Variants in ZC3H12C observed in about 807,000 individuals in gnomAD.
ZC3H12C encodes the protein probable ribonuclease ZC3H12C.
In ZC3H12C, 20 loss-of-function variants were observed where a neutral mutation model predicts 76.3. That is an observed-to-expected ratio of 0.26 (90% CI 0.18 to 0.38). The LOEUF (loss-of-function observed/expected upper bound fraction) is 0.38. Among genes scored for constraint, ZC3H12C ranks in the 10% least tolerant of loss-of-function variants. The probability of loss-of-function intolerance (pLI) is 1.00; values close to 1 mark genes in which losing one functional copy is unlikely to be tolerated. For missense variants in ZC3H12C, 874 were observed against 1,086.5 expected (o/e 0.80, Z 2.75); for synonymous variants, 352 against 399.6 (o/e 0.88, Z 1.42).
chr11:110,113,201 T>A (rs1861466357), intron 1 of ZC3H12C, among the ~76,000 whole-genome samples: 1 of 152,236 alleles, frequency 6.6e-6, no homozygotes, highest in Admixed American at 6.5e-5. Context: ...AGATAGAATT[T>A]GGAGATTGTA....
At chr11:110,117,653 C>T (rs775612955) in intron 1 of ZC3H12C, among the ~76,000 whole-genome samples, 258 of 140,826 alleles carry the variant, frequency 1.8e-3, no homozygotes, top group East Asian at 3.5e-3. Flanking sequence ...TATATATATA[C>T]ACACACACAC....
At chr11:110,130,912 C>A (rs1861852901) in intron 1 of ZC3H12C, 3 of 996,302 alleles carry the variant, frequency 3.0e-6, no homozygotes, top group Non-Finnish European at 1.5e-6. Context: ...GCCCGGCCAA[C>A]TAATTGTGAG....
At chr11:110,154,375 A>AG (rs1862335346) in intron 3 of ZC3H12C, among the ~76,000 whole-genome samples, 1 of 151,904 alleles carries the variant, frequency 6.6e-6, no homozygotes, top group Non-Finnish European at 1.5e-5. Flanking sequence ...ATCTCAAAAA[A>AG]AAAAAAAGAC....
chr11:110,104,196 C>T (rs7110497), intron 1 of ZC3H12C, among the ~76,000 whole-genome samples: 55,944 of 151,332 alleles, frequency 0.37, 10,981 homozygotes, highest in East Asian at 0.65. Context: ...ACCAGCTACC[C>T]GACAGGCATG....
rs1426644948 is a variant in ZC3H12C, at chr11:110,166,768, C to T, written c.*1031C>T. ...TTTCCTGCTATTTATCAAGGCTGGC[C>T]TGAGGTGGGTTTATGTGTTGAGGTT... On this transcript the variant is annotated 3_prime_UTR_variant, in exon 6 of 6. Transcript: ENST00000278590. 6.6e-6 allele frequency: 1 copy of T among 152,064 alleles called. No homozygotes were observed. The highest frequency in any genetic ancestry group is 1.5e-5 in the Non-Finnish European group (1 of 68,008). The allele number at this position is 152,064 out of a possible 1,614,324, so 9.4% of individuals were successfully genotyped here.
chr11:110,130,189 A>G (rs1861835169), intron 1 of ZC3H12C, among the ~76,000 whole-genome samples: 1 of 152,222 alleles, frequency 6.6e-6, no homozygotes, highest in African/African-American at 2.4e-5. Context: ...TGGCATACAT[A>G]GGATAGGTTA....
intron 1 of ZC3H12C, among the ~76,000 whole-genome samples, chr11:110,104,760 T>A (rs1162904763): frequency 6.6e-6 from 1 of 152,238 alleles, no homozygotes; most frequent in Non-Finnish European, 1.5e-5. Context: ...TTTCAGTGAT[T>A]CAAGATAATG....
chr11:110,145,072 A>G (rs974534812), intron 2 of ZC3H12C, among the ~76,000 whole-genome samples: 4 of 152,194 alleles, frequency 2.6e-5, no homozygotes, highest in African/African-American at 9.7e-5. Flanking sequence ...TTGCATTACA[A>G]TATGTGGTCC....
intron 2 of ZC3H12C, among the ~76,000 whole-genome samples, chr11:110,151,200 G>C (rs549859920): frequency 2.6e-5 from 4 of 152,174 alleles, no homozygotes; most frequent in African/African-American, 9.6e-5. Context: ...ATGGTTTGCT[G>C]TTTGCACTCA....
At chr11:110,161,083 G>T (rs1347057122) in intron 4 of ZC3H12C, among the ~76,000 whole-genome samples, 1 of 152,014 alleles carries the variant, frequency 6.6e-6, no homozygotes, top group African/African-American at 2.4e-5. Flanking sequence ...ACCTCAAGTG[G>T]TCTGTCTGCC....
At chr11:110,100,072 A>AT (rs1214535393) in intron 1 of ZC3H12C, among the ~76,000 whole-genome samples, 1 of 152,118 alleles carries the variant, frequency 6.6e-6, no homozygotes, top group East Asian at 1.9e-4. Flanking sequence ...TGTACCTAGG[A>AT]TTTTTACCTT....
chr11:110,108,895 C>T (rs1393577755), intron 1 of ZC3H12C, among the ~76,000 whole-genome samples: 1 of 152,194 alleles, frequency 6.6e-6, no homozygotes, highest in African/African-American at 2.4e-5. Flanking sequence ...CTTCATCTTC[C>T]ACACTGAATC....
intron 1 of ZC3H12C, among the ~76,000 whole-genome samples, chr11:110,118,355 A>G (rs1282436123): frequency 5.3e-5 from 8 of 152,128 alleles, no homozygotes; most frequent in Non-Finnish European, 1.0e-4. Flanking sequence ...TCACTGAGAC[A>G]TGTAAATCTT....
Position 110,164,397 on chromosome 11 carries a change from C to A in ZC3H12C, c.1312C>A (p.Gln438Lys). ...CKYYHPERGS[Q>K]PQRSVADELR... ...ATATTACCATCCCGAAAGGGGCAGT[C>A]AGCCACAGCGGTCAGTGGCTGATGA... The change falls in exon 6 of 6, where the codon CAG becomes AAG. Residue 438 changes from glutamine to lysine, a missense_variant. This residue lies in a region of ZC3H12C where 269 missense variants were observed against 424.9 expected (regional missense o/e 0.63). Coordinates refer to ENST00000278590, the MANE Select transcript of ZC3H12C (RefSeq NM_033390.2). The surrounding 1 kb of genome is among the most constrained non-coding windows in gnomAD (Gnocchi z 5.7). 6.2e-7 allele frequency: 1 copy of A among 1,613,892 alleles called. No individual in the cohort carries two copies. The highest frequency in any genetic ancestry group is 1.1e-5 in the South Asian group (1 of 91,054).
At chr11:110,114,360 C>T (rs1440472200) in intron 1 of ZC3H12C, among the ~76,000 whole-genome samples, 1 of 152,196 alleles carries the variant, frequency 6.6e-6, no homozygotes, top group East Asian at 1.9e-4. Flanking sequence ...AAGTCTTTGT[C>T]TCTTGTACTC....
chr11:110,162,082 G>C (rs1448485406), intron 4 of ZC3H12C, among the ~76,000 whole-genome samples: 6 of 152,204 alleles, frequency 3.9e-5, no homozygotes, highest in Non-Finnish European at 7.3e-5. Context: ...GTTGCAGTGA[G>C]CTGAGATGGT....
At chr11:110,151,879 A>C (rs536780329) in intron 2 of ZC3H12C, among the ~76,000 whole-genome samples, 14 of 152,044 alleles carry the variant, frequency 9.2e-5, no homozygotes, top group African/African-American at 3.4e-4. Context: ...TTTACTAAAA[A>C]TGATTAGCCA....
intron 1 of ZC3H12C, among the ~76,000 whole-genome samples, chr11:110,101,689 A>C (rs1226752157): frequency 6.6e-6 from 1 of 152,034 alleles, no homozygotes; most frequent in African/African-American, 2.4e-5. Context: ...CTGGGACTAC[A>C]GGCCCGCGCC....
chr11:110,121,738 G>A (rs1314633700), intron 1 of ZC3H12C, among the ~76,000 whole-genome samples: 1 of 152,004 alleles, frequency 6.6e-6, no homozygotes, highest in Non-Finnish European at 1.5e-5. Context: ...GAACACTGAT[G>A]TAGAAAGAAG....
Sources: gnomAD v4.1 joint callset for allele counts (sites outside exome capture counted in the v4.1 genomes callset) on GRCh38, gnomAD v4.1.1 for gene constraint, gnomAD v4.1.1 regional missense constraint, Gnocchi (gnomAD v3.1) non-coding constraint, MANE v1.5 for transcripts, NCBI Gene and HGNC (gene_info 2026-07-23, HGNC 2026-07-21) for gene names.